Variants in CHSY3 observed in about 807,000 individuals in gnomAD.
CHSY3 encodes N-acetylgalactosaminyl-proteoglycan 3-beta-glucuronosyltransferase 3.
Under a neutral mutation model 67.2 loss-of-function variants are expected in CHSY3, and 35 were observed. The ratio of observed to expected loss-of-function variants is 0.52; its 90% CI spans 0.40 to 0.69. The LOEUF (loss-of-function observed/expected upper bound fraction) is 0.69. CHSY3 is among the 30% of genes least tolerant of loss of function. CHSY3 has a pLI of 0.00. For synonymous variants in CHSY3, 474 were observed against 434.7 expected, an observed-to-expected ratio of 1.09 and a Z score of -1.12; for missense variants, 1,069 against 1,138.5, an observed-to-expected ratio of 0.94 and a Z score of 0.88.
intron 2 of CHSY3, among the ~76,000 whole-genome samples, chr5:130,145,698 C>T (rs187836818): frequency 3.9e-5 from 6 of 152,204 alleles, no homozygotes; most frequent in African/African-American, 1.4e-4. Flanking sequence ...GCAAACTATA[C>T]ATCTGACAGT....
intron 2 of CHSY3, among the ~76,000 whole-genome samples, chr5:130,177,098 C>A (rs1268893974): frequency 6.6e-6 from 1 of 151,532 alleles, no homozygotes; most frequent in African/African-American, 2.4e-5. Flanking sequence ...GTTAACTTTC[C>A]TTTCCTACAC....
Position 130,185,652 on chromosome 5 carries a change from A to G in CHSY3, c.2510A>G (p.His837Arg), listed in dbSNP as rs1376575408. The change falls in exon 3 of 3, where the codon CAT (histidine) becomes CGT (arginine). Residue 837 changes from histidine to arginine, a missense_variant. This residue lies in a region of CHSY3 where 139 missense variants were observed against 152.8 expected (regional missense o/e 0.91). Coordinates refer to ENST00000305031, the MANE Select transcript of CHSY3 (RefSeq NM_175856.5). The stretch of plus-strand genomic sequence containing the variant: ...GTGGTGCATATTTTCCATCCAGTTC[A>G]TTGTGATCCTAACTTGGACCCTAAG... ...VGVVHIFHPVHCDPNLDPKQY... is the reference protein window; with the variant it reads ...VGVVHIFHPVRCDPNLDPKQY... The G allele has an allele frequency of 1.2e-6, 2 of 1,614,110 alleles. No homozygotes were observed. Among genetic ancestry groups the G allele is most frequent in the Non-Finnish European group, 8.5e-7 (1 of 1,179,978 alleles).
intron 2 of CHSY3, among the ~76,000 whole-genome samples, chr5:130,012,675 G>A (rs1202811149): frequency 2.6e-5 from 4 of 152,014 alleles, no homozygotes; most frequent in Admixed American, 2.6e-4. Context: ...TGGGGGAACT[G>A]CCCCCACAAA....
chr5:130,106,909 A>G (rs1767427735), intron 2 of CHSY3, among the ~76,000 whole-genome samples: 1 of 151,518 alleles, frequency 6.6e-6, no homozygotes, highest in Non-Finnish European at 1.5e-5. Flanking sequence ...AGCAGTTTTT[A>G]TGTGACATGT....
intron 2 of CHSY3, among the ~76,000 whole-genome samples, chr5:129,920,190 C>T (rs1207605525): frequency 1.3e-5 from 2 of 152,152 alleles, no homozygotes; most frequent in Admixed American, 6.5e-5. Context: ...GAAGTGAGGA[C>T]ATGTGGTACA....
At position 130,084,773 on chromosome 5, in the gene CHSY3, G is replaced by A. The variant is rs187531511; in HGVS notation, c.1087-99456G>A. Among the ~76,000 whole-genome samples, 14 of 151,902 alleles carry A rather than the reference G, an allele frequency of 9.2e-5. No individual in the cohort carries two copies. The East Asian group carries it at 2.7e-3, about 30-fold the overall frequency. ...AGTGAGGTTGGGAAGGTACTTTCAG[G>A]TAATTGAATTCAAAGATTTTCTGAT... On this transcript the variant is annotated intron_variant, in intron 2 of 2. Transcript: ENST00000305031.
intron 2 of CHSY3, among the ~76,000 whole-genome samples, chr5:130,090,102 C>A (rs1258887999): frequency 6.6e-6 from 1 of 152,124 alleles, no homozygotes; most frequent in Non-Finnish European, 1.5e-5. Flanking sequence ...AAAACTTCAG[C>A]CTCTTAAAAA....
intron 2 of CHSY3, among the ~76,000 whole-genome samples, chr5:130,154,105 C>G (rs1769307153): frequency 6.6e-6 from 1 of 152,114 alleles, no homozygotes; most frequent in Non-Finnish European, 1.5e-5. Flanking sequence ...TTAGTAGAGA[C>G]AGGGTTTCAT....
chr5:130,175,552 A>C (rs1770021953), intron 2 of CHSY3, among the ~76,000 whole-genome samples: 2 of 152,232 alleles, frequency 1.3e-5, no homozygotes, highest in South Asian at 4.1e-4. Flanking sequence ...TAGCCAAGAC[A>C]ATTCTAAGCA....
chr5:129,991,595 A>G (rs1450681438), intron 2 of CHSY3, among the ~76,000 whole-genome samples: 2 of 152,130 alleles, frequency 1.3e-5, no homozygotes, highest in East Asian at 3.9e-4. Context: ...TTTGTCCTAA[A>G]GTTGAGTGTT....
At chr5:130,156,528 T>C (rs1402463719) in intron 2 of CHSY3, among the ~76,000 whole-genome samples, 3 of 152,304 alleles carry the variant, frequency 2.0e-5, no homozygotes, top group East Asian at 1.9e-4. Flanking sequence ...GGCTGAGTGA[T>C]TTGAATGAAG....
chr5:130,109,279 A>G (rs899463144), intron 2 of CHSY3, among the ~76,000 whole-genome samples: 1 of 151,656 alleles, frequency 6.6e-6, no homozygotes, highest in African/African-American at 2.4e-5. Context: ...ATTTTAAGAG[A>G]CATAGATTTC....
At chr5:129,999,205 T>C (rs1272456119) in intron 2 of CHSY3, among the ~76,000 whole-genome samples, 1 of 151,264 alleles carries the variant, frequency 6.6e-6, no homozygotes, top group Non-Finnish European at 1.5e-5. Flanking sequence ...TTTCTATACG[T>C]TGAGATGGTA....
At chr5:129,960,098 A>G (rs759198424) in intron 2 of CHSY3, among the ~76,000 whole-genome samples, 4 of 152,066 alleles carry the variant, frequency 2.6e-5, no homozygotes, top group Non-Finnish European at 5.9e-5. Flanking sequence ...CCCTCCCTTA[A>G]GAAAGCTTCT....
intron 2 of CHSY3, among the ~76,000 whole-genome samples, chr5:130,029,555 T>C (rs1329384963): frequency 6.6e-6 from 1 of 152,132 alleles, no homozygotes; most frequent in East Asian, 1.9e-4. Context: ...AGGTGTTTGA[T>C]TTATATATTT....
At chr5:130,073,326 C>G (rs894809375) in intron 2 of CHSY3, among the ~76,000 whole-genome samples, 2 of 150,994 alleles carry the variant, frequency 1.3e-5, no homozygotes, top group African/African-American at 4.9e-5. Flanking sequence ...TTCACTCTGT[C>G]ACTCAGGCTG....
intron 1 of CHSY3, among the ~76,000 whole-genome samples, chr5:129,907,821 A>G (rs1338376223): frequency 6.6e-6 from 1 of 152,178 alleles, no homozygotes; most frequent in African/African-American, 2.4e-5. Context: ...TTTTACAGAA[A>G]ATTGATGATT....
intron 2 of CHSY3, among the ~76,000 whole-genome samples, chr5:130,151,210 C>T (rs892451898): frequency 2.0e-5 from 3 of 152,162 alleles, no homozygotes; most frequent in Non-Finnish European, 4.4e-5. Flanking sequence ...CTTACAGGTA[C>T]ACTTTTAAGT....
At chr5:129,994,171 A>C (rs1763458256) in intron 2 of CHSY3, among the ~76,000 whole-genome samples, 1 of 151,970 alleles carries the variant, frequency 6.6e-6, no homozygotes, top group Non-Finnish European at 1.5e-5. Flanking sequence ...AACTTTGGTG[A>C]ATGTGACAAT....
Sources: gnomAD v4.1 joint callset for allele counts (sites outside exome capture counted in the v4.1 genomes callset) on GRCh38, gnomAD v4.1.1 for gene constraint, gnomAD v4.1.1 regional missense constraint, MANE v1.5 for transcripts, NCBI Gene and HGNC (gene_info 2026-07-23, HGNC 2026-07-21) for gene names.